BCAS3: variants seen among roughly 807,000 people sequenced by gnomAD.
The protein encoded by BCAS3 is BCAS4/BCAS3 fusion.
A neutral mutation model predicts 116.1 loss-of-function variants in BCAS3; 53 were observed. The ratio of observed to expected loss-of-function variants is 0.46; its 90% CI spans 0.37 to 0.57. BCAS3 has a LOEUF of 0.57. Ranked by LOEUF, BCAS3 falls within the 20% of genes least tolerant of loss-of-function variation. BCAS3 has a pLI of 0.00. For missense variants in BCAS3, 917 were observed against 1,165.4 expected (o/e 0.79, Z 3.10); for synonymous variants, 391 against 408.2 (o/e 0.96, Z 0.51).
At chr17:60,780,806 C>T (rs1272061817) in intron 6 of BCAS3, among the ~76,000 whole-genome samples, 1 of 152,082 alleles carries the variant, frequency 6.6e-6, no homozygotes, top group Non-Finnish European at 1.5e-5. Context: ...TCCTTTTTAT[C>T]CTTCTTTGAG....
rs905191190 is a variant in BCAS3, at chr17:61,213,386, T to C, written c.2425+128822T>C. 6.6e-6 allele frequency among the ~76,000 whole-genome samples: 1 copy of C among 152,028 alleles called. No homozygotes were observed. On this transcript the variant is annotated intron_variant, in intron 22 of 23. Coordinates refer to ENST00000407086, the MANE Select transcript of BCAS3 (RefSeq NM_017679.5). The surrounding 1 kb of genome is among the most constrained non-coding windows in gnomAD (Gnocchi z 5.4). ...GGTTTCACCAGCTTGGCCAGGCTGG[T>C]CTTGAACTCCTGACCTCGTGATCCA...
chr17:61,370,197 TA>T (rs749104209), intron 23 of BCAS3, among the ~76,000 whole-genome samples: 11 of 147,598 alleles, frequency 7.5e-5, no homozygotes, highest in African/African-American at 1.2e-4. Flanking sequence ...TTAAAAAGAA[TA>T]AAAAAAGAGA....
At chr17:60,811,176 G>T in intron 7 of BCAS3, 1 of 656,836 alleles carries the variant, frequency 1.5e-6, no homozygotes. Flanking sequence ...AGATGGGGCA[G>T]ATCCTGTAGA....
At chr17:60,947,023 C>CT (rs1259370810) in intron 13 of BCAS3, among the ~76,000 whole-genome samples, 196 bp from the exon 14 acceptor site, 2 of 152,094 alleles carry the variant, frequency 1.3e-5, no homozygotes, top group Non-Finnish European at 2.9e-5. Context: ...TTATACCTTG[C>CT]TGATATACTG....
At position 61,285,996 on chromosome 17, in the gene BCAS3, C is replaced by T. The variant is rs1458801224; in HGVS notation, c.2426-82331C>T. Among the ~76,000 whole-genome samples, 1 of 152,200 alleles carries T rather than the reference C, an allele frequency of 6.6e-6. No homozygotes were observed. The highest frequency in any genetic ancestry group is 1.5e-5 in the Non-Finnish European group (1 of 68,040). ...TGTGAAACCTCAGACCTAAAACCAG[C>T]CCCAGGCTTTGACTGTCAATATCAT... is the stretch of plus-strand genomic sequence containing the variant. On this transcript the variant is annotated intron_variant, in intron 22 of 23. Transcript: ENST00000407086. The surrounding 1 kb of genome is among the most constrained non-coding windows in gnomAD (Gnocchi z 5.4).
chr17:61,283,445 A>G (rs976324126), intron 22 of BCAS3, among the ~76,000 whole-genome samples: 43 of 151,402 alleles, frequency 2.8e-4, no homozygotes, highest in Non-Finnish European at 5.3e-4. Context: ...TGAGGTTGCA[A>G]AAGTAAATTG....
Position 61,056,280 on chromosome 17 carries a change from C to T in BCAS3, c.2029+15388C>T, listed in dbSNP as rs1240129140. Among the ~76,000 whole-genome samples, 1 of 152,140 alleles carries T rather than the reference C, an allele frequency of 6.6e-6. No homozygotes were observed. The highest frequency in any genetic ancestry group is 2.4e-5 in the African/African-American group (1 of 41,424). ...TTACATGGTGTCAACTGAAGGACAG[C>T]CTTCCGCGAGTTGGAGTCTTGACCA... On this transcript the variant is annotated intron_variant, in intron 19 of 23. Coordinates refer to ENST00000407086, the MANE Select transcript of BCAS3 (RefSeq NM_017679.5). The surrounding 1 kb of genome is among the most constrained non-coding windows in gnomAD (Gnocchi z 4.9).
chr17:61,340,511 G>A lies in BCAS3; in HGVS notation c.2426-27816G>A, dbSNP rs547239344. 2.0e-5 allele frequency among the ~76,000 whole-genome samples: 3 copies of A among 152,266 alleles called. No homozygotes were observed. The South Asian group carries it at 6.2e-4, about 32-fold the overall frequency. On this transcript the variant is annotated intron_variant, in intron 22 of 23. Coordinates refer to ENST00000407086, the MANE Select transcript of BCAS3 (RefSeq NM_017679.5). ...TTTAGGAGGGTGAAAGAGTGAATGCGCTCAGGAAATAGCACTGGAGGGCAG... is the reference window on the plus strand; with the variant it reads ...TTTAGGAGGGTGAAAGAGTGAATGCACTCAGGAAATAGCACTGGAGGGCAG...
chr17:61,144,122 C>CT lies in BCAS3; in HGVS notation c.2425+59566dup, dbSNP rs1215196347. Reference sequence around the variant, plus strand: ...GGAGGACAGTTGACTCCTTTCTACTCTTTTTTTTGCCGTTGTCCCTATTTT... The same window carrying CT: ...GGAGGACAGTTGACTCCTTTCTACTCTTTTTTTTTGCCGTTGTCCCTATTTT... On this transcript the variant is annotated intron_variant, in intron 22 of 23. Coordinates refer to ENST00000407086, the MANE Select transcript of BCAS3 (RefSeq NM_017679.5). This position sits in a 1 kb window ranked among gnomAD's most constrained non-coding sequence, Gnocchi z 5.0. 4.6e-5 allele frequency among the ~76,000 whole-genome samples: 7 copies of CT among 151,920 alleles called. No homozygotes were observed. Among genetic ancestry groups the CT allele is most frequent in the Non-Finnish European group, 8.8e-5 (6 of 67,954 alleles).
intron 15 of BCAS3, among the ~76,000 whole-genome samples, chr17:60,998,016 T>C (rs1323392093): frequency 2.0e-5 from 3 of 152,154 alleles, no homozygotes; most frequent in African/African-American, 7.2e-5. Flanking sequence ...CACTTTTGAA[T>C]CCCTAATGTC....
rs1458664552 is a variant in BCAS3, at chr17:61,200,817, G to T, written c.2425+116253G>T. Among the ~76,000 whole-genome samples, 1 of 152,172 alleles carries T rather than the reference G, an allele frequency of 6.6e-6. No individual in the cohort carries two copies. The highest frequency in any genetic ancestry group is 6.5e-5 in the Admixed American group (1 of 15,270). On this transcript the variant is annotated intron_variant, in intron 22 of 23. Transcript: ENST00000407086. This position sits in a 1 kb window ranked among gnomAD's most constrained non-coding sequence, Gnocchi z 5.1. ...TGTACTGAAATTCCAAATAGAATTG[G>T]AAAATGTACTTTTTTGATGGGCTAC...
chr17:60,733,658 T>C (rs2040684108), intron 5 of BCAS3, among the ~76,000 whole-genome samples: 1 of 151,984 alleles, frequency 6.6e-6, no homozygotes, highest in African/African-American at 2.4e-5. Context: ...CCTGGGCAAC[T>C]TTGTGAGACC....
rs965083542 is a variant in BCAS3 at position 61,346,445 on chromosome 17, T to G, written c.2426-21882T>G. ...AAGTCACTTTATACCTCAGCTTCTT[T>G]CTGAAACGGAAGAGCTGCCTGGGGC... On this transcript the variant is annotated intron_variant, in intron 22 of 23. Transcript: ENST00000407086. The surrounding 1 kb of genome is among the most constrained non-coding windows in gnomAD (Gnocchi z 5.4). Among the ~76,000 whole-genome samples, 1 of 152,226 alleles carries G rather than the reference T, an allele frequency of 6.6e-6. No homozygotes were observed. The highest frequency in any genetic ancestry group is 2.4e-5 in the African/African-American group (1 of 41,466).
chr17:61,141,969 A>G lies in BCAS3; in HGVS notation c.2425+57405A>G, dbSNP rs1419477112. Among the ~76,000 whole-genome samples the G allele has an allele frequency of 6.6e-6, 1 of 151,256 alleles. No individual in the cohort carries two copies. Among genetic ancestry groups the G allele is most frequent in the African/African-American group, 2.4e-5 (1 of 41,278 alleles). ...TCAAGTTCTTGAAAGAAGTTTGTTG[A>G]GGATAAGATTTATTTAAATGGAGTA... On this transcript the variant is annotated intron_variant, in intron 22 of 23. Transcript: ENST00000407086. The surrounding 1 kb of genome is among the most constrained non-coding windows in gnomAD (Gnocchi z 4.3).
intron 7 of BCAS3, among the ~76,000 whole-genome samples, chr17:60,811,747 G>T (rs1206132085): frequency 1.3e-5 from 2 of 152,154 alleles, no homozygotes; most frequent in Non-Finnish European, 1.5e-5. Flanking sequence ...GGATATAAAA[G>T]ATATAGAAAG....
chr17:61,032,969 T>C lies in BCAS3; in HGVS notation c.1638-1697T>C, dbSNP rs892701131. ...AGGGACCAATCATAGTTGCCTCTGA[T>C]CCAGACTTAGCCATCCTTAGAGGAA... On this transcript the variant is annotated intron_variant, in intron 16 of 23. Transcript: ENST00000407086. This position sits in a 1 kb window ranked among gnomAD's most constrained non-coding sequence, Gnocchi z 4.6. 1.3e-5 allele frequency among the ~76,000 whole-genome samples: 2 copies of C among 152,146 alleles called. No homozygotes were observed. The highest frequency in any genetic ancestry group is 1.5e-5 in the Non-Finnish European group (1 of 68,014).
At chr17:60,766,267 G>A (rs769714822) in intron 6 of BCAS3, among the ~76,000 whole-genome samples, 24 of 152,144 alleles carry the variant, frequency 1.6e-4, no homozygotes, top group Non-Finnish European at 1.9e-4. Context: ...GAGAAGAAGC[G>A]CTCTGGTTTT....
At chr17:61,283,818 C>T (rs1247433332) in intron 22 of BCAS3, among the ~76,000 whole-genome samples, 1 of 152,092 alleles carries the variant, frequency 6.6e-6, no homozygotes, top group Non-Finnish European at 1.5e-5. Flanking sequence ...GGTTGGAATG[C>T]AGTGACGCAG....
At chr17:60,867,130 G>A (rs1269136985) in intron 7 of BCAS3, among the ~76,000 whole-genome samples, 1 of 150,022 alleles carries the variant, frequency 6.7e-6, no homozygotes, top group Non-Finnish European at 1.5e-5. Flanking sequence ...TTTTTTTGAG[G>A]CAGTTTCACT....
Sources: allele counts gnomAD v4.1 joint callset (sites outside exome capture counted in the v4.1 genomes callset), GRCh38; gene constraint gnomAD v4.1.1; non-coding constraint Gnocchi (gnomAD v3.1); transcripts MANE v1.5; gene names NCBI Gene and HGNC (gene_info 2026-07-23, HGNC 2026-07-21).